Variants in DNTTIP2 observed in about 807,000 individuals in gnomAD.
The protein encoded by DNTTIP2 is deoxynucleotidyltransferase terminal interacting protein 2.
In DNTTIP2, 47 loss-of-function variants were observed where a neutral mutation model predicts 62.4. That is an observed-to-expected ratio of 0.75 (90% CI 0.60 to 0.96). The LOEUF is 0.96. Ranked by LOEUF, DNTTIP2 falls within the 40% of genes least tolerant of loss-of-function variation. The pLI is 0.00. For missense variants in DNTTIP2, 870 were observed against 849.1 expected, an observed-to-expected ratio of 1.02 and a Z score of -0.31; for synonymous variants, 322 against 300.9, an observed-to-expected ratio of 1.07 and a Z score of -0.73.
chr1:93,874,131 T>C (rs1276155669), intron 3 of DNTTIP2, among the ~76,000 whole-genome samples: 2 of 152,164 alleles, frequency 1.3e-5, no homozygotes, highest in East Asian at 3.9e-4. Context: ...ACTTAACAAA[T>C]GATTAAGAGT....
Position 93,870,744 on chromosome 1 carries a change from G to T in DNTTIP2, c.2116C>A (p.Pro706Thr). 1.3e-6 allele frequency: 2 copies of T among 1,572,082 alleles called. No homozygotes were observed. The highest frequency in any genetic ancestry group is 1.8e-5 in the Admixed American group (1 of 55,540). The stretch of plus-strand genomic sequence containing the variant: ...ATAGTTCTTTTCCTTTGCTTCTTGG[G>T]AATTCGTGAATGGTAGAAATCAGCT... ...NPADFYHSRIPKKQRKRTIVE... is the reference protein window; with the variant it reads ...NPADFYHSRITKKQRKRTIVE... The change falls in exon 6 of 7, where the codon CCC becomes ACC. Residue 706 changes from proline to threonine, a missense_variant. Pro to Thr is a conservative substitution (Grantham distance 38). Transcript: ENST00000436063.
Position 93,877,563 on chromosome 1 carries a change from T to C in DNTTIP2, c.372A>G (p.Lys124=). 6.2e-7 allele frequency: 1 copy of C among 1,614,020 alleles called. No homozygotes were observed. Among genetic ancestry groups the C allele is most frequent in the Non-Finnish European group, 8.5e-7 (1 of 1,179,890 alleles). Residue 124 remains lysine, a synonymous_variant, in exon 2 of 7, where the codon AAA becomes AAG. Coordinates refer to ENST00000436063, the MANE Select transcript of DNTTIP2 (RefSeq NM_014597.5). ...CCTTTGTTGGAGTTACTTTCGGCTT[T>C]TTCCTAACACTGGACACTGGGGAGC... ...IACSPVSSVR[K]KPKVTPTKES...
chr1:93,870,857 G>C (rs536484050), intron 5 of DNTTIP2, 65 bp from the exon 6 acceptor site: 1 of 725,564 alleles, frequency 1.4e-6, no homozygotes, highest in African/African-American at 1.8e-5. Context: ...CTTCAGTGTA[G>C]CTCTAATTAT....
rs756265997 is a variant in DNTTIP2 at position 93,877,643 on chromosome 1, C to G, written c.292G>C (p.Glu98Gln). 1 of 1,614,000 alleles carries G rather than the reference C, an allele frequency of 6.2e-7. No homozygotes were observed. The highest frequency in any genetic ancestry group is 1.1e-5 in the South Asian group (1 of 91,086). Residue 98 changes from glutamate (E) to glutamine (Q), a missense_variant, in exon 2 of 7, where the codon GAG becomes CAG. Transcript: ENST00000436063. ...ACCCTTAAAATGGTATCATGGTGCTCAGACACAGAATAATTTGACTCTGCC... is the reference window on the plus strand; with the variant it reads ...ACCCTTAAAATGGTATCATGGTGCTGAGACACAGAATAATTTGACTCTGCC... ...SEAESNYSVSEHHDTILRVTR... is the reference protein window; with the variant it reads ...SEAESNYSVSQHHDTILRVTR...
At chr1:93,870,913 G>T in intron 5 of DNTTIP2, 121 bp from the exon 6 acceptor site, 4 of 437,202 alleles carry the variant, frequency 9.1e-6, no homozygotes, top group African/African-American at 2.1e-5. Context: ...TACACTAATA[G>T]TAATGTAAAT....
intron 2 of DNTTIP2, 94 bp from the exon 3 acceptor site, chr1:93,875,877 C>T: frequency 1.6e-6 from 2 of 1,286,386 alleles, no homozygotes; most frequent in Non-Finnish European, 2.1e-6. Flanking sequence ...TCTTCTCTTC[C>T]CTTGTATTGT....
At chr1:93,871,350 A>C (rs1464253285) in intron 5 of DNTTIP2, among the ~76,000 whole-genome samples, 1 of 152,242 alleles carries the variant, frequency 6.6e-6, no homozygotes, top group Non-Finnish European at 1.5e-5. Flanking sequence ...ATATTAAAGC[A>C]TAACATGTGC....
In DNTTIP2 at chr1:93,879,066, G is replaced by A. The variant is rs1354991912; in HGVS notation, c.72+11C>T. ...GAAGCGGCGAGAAGTAGGGAAGACTGGATTTCCTACCTTTTGCCCGGAACT... is the reference window on the plus strand; with the variant it reads ...GAAGCGGCGAGAAGTAGGGAAGACTAGATTTCCTACCTTTTGCCCGGAACT... On this transcript the variant is annotated intron_variant, in intron 1 of 6. Coordinates refer to ENST00000436063, the MANE Select transcript of DNTTIP2 (RefSeq NM_014597.5). The A allele has an allele frequency of 6.2e-7, 1 of 1,613,260 alleles. No homozygotes were observed. Among genetic ancestry groups the A allele is most frequent in the Non-Finnish European group, 8.5e-7 (1 of 1,179,814 alleles).
In DNTTIP2 at chr1:93,879,083, C is replaced by T; in HGVS notation, c.66G>A (p.Gly22=). The change falls in exon 1 of 7, where the codon GGG becomes GGA. Residue 22 remains glycine, a synonymous_variant. Coordinates refer to ENST00000436063, the MANE Select transcript of DNTTIP2 (RefSeq NM_014597.5). ...GGAAGACTGGATTTCCTACCTTTTGCCCGGAACTTTCAGCCGACGCGGCTT... is the reference window on the plus strand; with the variant it reads ...GGAAGACTGGATTTCCTACCTTTTGTCCGGAACTTTCAGCCGACGCGGCTT... ...SIQAASAESS[G]QKSFAANGIQ... 1 of 1,613,684 alleles carries T rather than the reference C, an allele frequency of 6.2e-7. No homozygotes were observed. The highest frequency in any genetic ancestry group is 1.3e-5 in the African/African-American group (1 of 75,072).
chr1:93,875,618 GA>G (rs753498722), intron 3 of DNTTIP2, 26 bp downstream of exon 3: 3 of 1,597,428 alleles, frequency 1.9e-6, no homozygotes, highest in Admixed American at 3.6e-5. Context: ...TTAGTTCTGT[GA>G]AAACCTAACA....
Position 93,876,781 on chromosome 1 carries a change from G to C in DNTTIP2, c.1154C>G (p.Ala385Gly), listed in dbSNP as rs1656020418. 3 of 1,613,842 alleles carry C rather than the reference G, an allele frequency of 1.9e-6. No individual in the cohort carries two copies. The East Asian group carries it at 6.7e-5, about 36-fold the overall frequency. The change falls in exon 2 of 7, where the codon GCA (alanine) becomes GGA (glycine). Residue 385 changes from alanine to glycine, a missense_variant. Transcript: ENST00000436063. Reference protein sequence around the residue: ...WNNNKKSPIKASDLTKFGDCG... With the variant: ...WNNNKKSPIKGSDLTKFGDCG... The stretch of plus-strand genomic sequence containing the variant: ...ATCACCAAACTTTGTCAAGTCACTT[G>C]CTTTTATGGGGCTCTTTTTGTTGTT...
In DNTTIP2 at chr1:93,869,687, G is replaced by C; in HGVS notation, c.*164C>G. The C allele has an allele frequency of 3.5e-6, 2 of 572,392 alleles. No individual in the cohort carries two copies. Among genetic ancestry groups the C allele is most frequent in the Non-Finnish European group, 6.4e-6 (2 of 312,908 alleles). The allele number at this position is 572,392 out of a possible 1,614,324, so 35.5% of individuals were successfully genotyped here. On this transcript the variant is annotated 3_prime_UTR_variant, in exon 7 of 7. Coordinates refer to ENST00000436063, the MANE Select transcript of DNTTIP2 (RefSeq NM_014597.5). ...TCTTTTAGACACCCCTATTTTCTAAGGGCATGTAATCGATTCTCAAATCAA... is the reference window on the plus strand; with the variant it reads ...TCTTTTAGACACCCCTATTTTCTAACGGCATGTAATCGATTCTCAAATCAA...
At chr1:93,873,439 A>AAAAAG (rs1048751807) in intron 3 of DNTTIP2, 17 of 373,482 alleles carry the variant, frequency 4.6e-5, no homozygotes, top group Non-Finnish European at 7.8e-5. Flanking sequence ...AAAAAAAAAA[A>AAAAAG]AAAAGAAAAG....
Position 93,876,915 on chromosome 1 carries a change from T to G in DNTTIP2, c.1020A>C (p.Ser340=). ...ATACAGCATTTTTATTTTGGGGGGT[T>G]GAATGTCTCTGAGAAACTAACTGTT... is the stretch of plus-strand genomic sequence containing the variant. ...SLQQLVSQRH[S]TPQNKNAVSV... Residue 340 remains serine, a synonymous_variant, in exon 2 of 7, where the codon TCA becomes TCC. Transcript: ENST00000436063. 6.2e-7 allele frequency: 1 copy of G among 1,613,820 alleles called. No individual in the cohort carries two copies. Among genetic ancestry groups the G allele is most frequent in the South Asian group, 1.1e-5 (1 of 91,042 alleles).
chr1:93,872,403 CA>C (rs1421403343), intron 4 of DNTTIP2, among the ~76,000 whole-genome samples, 167 bp from the exon 5 acceptor site: 1 of 152,064 alleles, frequency 6.6e-6, no homozygotes. Context: ...AATTAAATCA[CA>C]AAAAGTGACT....
At position 93,867,827 on chromosome 1, in the gene DNTTIP2, A is replaced by ATTTTTT. The variant is rs1655759473; in HGVS notation, c.*2023_*2024insAAAAAA. On this transcript the variant is annotated 3_prime_UTR_variant, in exon 7 of 7. Coordinates refer to ENST00000436063, the MANE Select transcript of DNTTIP2 (RefSeq NM_014597.5). Reference sequence around the variant, plus strand: ...CAGAAACAAAAGTAGTTTTTTTTTAAAATAAAAGAGAACAGACATAGATGC... The same window carrying ATTTTTT: ...CAGAAACAAAAGTAGTTTTTTTTTAATTTTTTAATAAAAGAGAACAGACATAGATGC... The ATTTTTT allele has an allele frequency of 9.2e-6, 1 of 108,226 alleles. No homozygotes were observed. The highest frequency in any genetic ancestry group is 2.0e-5 in the Non-Finnish European group (1 of 51,272). The allele number at this position is 108,226 out of a possible 1,614,324, so 6.7% of individuals were successfully genotyped here. A position where few individuals can be genotyped will look rare whatever the true frequency, so the allele number is the denominator to read the frequency against.
chr1:93,876,640 T>C lies in DNTTIP2; in HGVS notation c.1295A>G (p.Asn432Ser), dbSNP rs764134290. ...AGAATTATCTTTACCCTGAGATGTG[T>C]TGGGCGCAGACGTGTATAGTTTGGT... The part of the protein sequence containing the change: ...CDTKLYTSAP[N>S]TSQGKDNSVL... The change falls in exon 2 of 7, where the codon AAC becomes AGC. Residue 432 changes from asparagine (N) to serine (S), a missense_variant. By Grantham distance (46) the Asn-to-Ser change is conservative. Transcript: ENST00000436063. 40 of 1,613,914 alleles carry C rather than the reference T, an allele frequency of 2.5e-5. No individual in the cohort carries two copies. The highest frequency in any genetic ancestry group is 3.3e-4 in the Middle Eastern group (2 of 6,084).
rs1394067619 is a variant in DNTTIP2, at chr1:93,870,721, A to G, written c.2139T>C (p.Thr713=). ...AATCAGCCAGCAGTTCTTCCACAAT[A>G]GTTCTTTTCCTTTGCTTCTTGGGAA... ...SRIPKKQRKR[T]IVEELLADSE... is the part of the protein sequence containing the mutation. Residue 713 remains threonine, a synonymous_variant, in exon 6 of 7, where the codon ACT becomes ACC. Coordinates refer to ENST00000436063, the MANE Select transcript of DNTTIP2 (RefSeq NM_014597.5). The G allele has an allele frequency of 1.9e-6, 3 of 1,573,688 alleles. No individual in the cohort carries two copies. The highest frequency in any genetic ancestry group is 1.7e-6 in the Non-Finnish European group (2 of 1,156,696).
chr1:93,872,356 T>C (rs1323710209), intron 4 of DNTTIP2, 120 bp from the exon 5 acceptor site: 6 of 949,294 alleles, frequency 6.3e-6, no homozygotes, highest in Admixed American at 5.9e-5. Flanking sequence ...GTTACTTTAT[T>C]GAAAGCACTT....
Sources: gnomAD v4.1 joint callset for allele counts (sites outside exome capture counted in the v4.1 genomes callset) on GRCh38, gnomAD v4.1.1 for gene constraint, MANE v1.5 for transcripts, NCBI Gene and HGNC (gene_info 2026-07-23, HGNC 2026-07-21) for gene names.